FUT9: variants seen among roughly 807,000 people sequenced by gnomAD.
FUT9 encodes the protein 4-galactosyl-N-acetylglucosaminide 3-alpha-L-fucosyltransferase 9.
Under a neutral mutation model 29.7 loss-of-function variants are expected in FUT9, and 15 were observed. The observed-to-expected ratio is 0.51, with a 90% CI of 0.34 to 0.78. The LOEUF (loss-of-function observed/expected upper bound fraction) is 0.78, where lower values mean the gene tolerates loss of function less well. FUT9 is among the 30% of genes least tolerant of loss of function. The probability of loss-of-function intolerance (pLI) is 0.01; values close to 1 mark genes in which losing one functional copy is unlikely to be tolerated. For synonymous variants in FUT9, 169 were observed against 153.7 expected (o/e 1.10, Z -0.74); for missense variants, 319 against 425.4 (o/e 0.75, Z 2.20).
At position 96,142,080 on chromosome 6, in the gene FUT9, G is replaced by A. The variant is rs560983275; in HGVS notation, c.-9+27953G>A. 7.7e-4 allele frequency among the ~76,000 whole-genome samples: 117 copies of A among 152,252 alleles called. 1 individual carries two copies. The highest frequency in any genetic ancestry group is 1.1e-3 in the Non-Finnish European group (74 of 68,014). ...GCTTACACACTGGGATGTTTTGCTCGTGAATATTGCTAAGAAACTGTACAA... is the reference window on the plus strand; with the variant it reads ...GCTTACACACTGGGATGTTTTGCTCATGAATATTGCTAAGAAACTGTACAA... On this transcript the variant is annotated intron_variant, in intron 2 of 2. Coordinates refer to ENST00000302103, the MANE Select transcript of FUT9 (RefSeq NM_006581.4).
chr6:96,123,170 T>A (rs756043524), intron 2 of FUT9, among the ~76,000 whole-genome samples: 12 of 151,648 alleles, frequency 7.9e-5, no homozygotes, highest in Non-Finnish European at 1.3e-4. Context: ...ATAGTGTCAA[T>A]TTGGACCAAT....
intron 2 of FUT9, among the ~76,000 whole-genome samples, chr6:96,121,413 C>T (rs1488256382): frequency 3.3e-5 from 5 of 152,092 alleles, no homozygotes; most frequent in Non-Finnish European, 7.4e-5. Flanking sequence ...CTTATAGCTA[C>T]TCTACAAAGA....
rs1582226216 is a variant in FUT9, at chr6:96,096,077, G to A, written c.-97-17962G>A. On this transcript the variant is annotated intron_variant, in intron 1 of 2. Transcript: ENST00000302103. ...TCATATATCCAACTACCTATACAAT[G>A]TCTCTACTTGGAAGTCTAATATATA... 2.6e-5 allele frequency among the ~76,000 whole-genome samples: 4 copies of A among 152,170 alleles called. No homozygotes were observed. The South Asian group carries it at 8.3e-4, about 32-fold the overall frequency.
Position 96,213,649 on chromosome 6 carries a change from G to A in FUT9, c.*9414G>A, listed in dbSNP as rs927587151. 6.0e-6 allele frequency: 1 copy of A among 166,682 alleles called. No homozygotes were observed. Among genetic ancestry groups the A allele is most frequent in the African/African-American group, 2.4e-5 (1 of 41,394 alleles). The allele number at this position is 166,682 out of a possible 1,614,324, so 10.3% of individuals were successfully genotyped here. A position where few individuals can be genotyped will look rare whatever the true frequency, so the allele number is the denominator to read the frequency against. ...TCTGTGTATGTATTATTGCGATGCA[G>A]ACCCAATAGGGTTATTTTAAGCACA... On this transcript the variant is annotated 3_prime_UTR_variant, in exon 3 of 3. Transcript: ENST00000302103.
At chr6:96,026,390 A>G (rs1311517271) in intron 1 of FUT9, among the ~76,000 whole-genome samples, 1 of 151,692 alleles carries the variant, frequency 6.6e-6, no homozygotes, top group Non-Finnish European at 1.5e-5. Context: ...GCAATATTAG[A>G]GTCTAAATTA....
intron 1 of FUT9, among the ~76,000 whole-genome samples, chr6:96,080,121 G>A (rs1771210251): frequency 6.6e-6 from 1 of 151,762 alleles, no homozygotes; most frequent in South Asian, 2.1e-4. Flanking sequence ...AAATCATGAT[G>A]AATAAAATAT....
At chr6:96,143,939 T>C (rs1772515829) in intron 2 of FUT9, among the ~76,000 whole-genome samples, 1 of 152,188 alleles carries the variant, frequency 6.6e-6, no homozygotes. Context: ...AAATAGGTAA[T>C]GCTGGTTGTG....
In FUT9 at chr6:96,210,292, C is replaced by T. The variant is rs949681928; in HGVS notation, c.*6057C>T. ...ATTTTGTATACCTAATTATTTCACA[C>T]AAGAGCGTGGAACTCACCAGTCTTG... is the stretch of plus-strand genomic sequence containing the variant. On this transcript the variant is annotated 3_prime_UTR_variant, in exon 3 of 3. Transcript: ENST00000302103. The T allele has an allele frequency of 6.0e-6, 1 of 166,930 alleles. No homozygotes were observed. The highest frequency in any genetic ancestry group is 2.4e-5 in the African/African-American group (1 of 41,420). 10.3% of individuals were successfully genotyped at this position (166,930 alleles called of 1,614,324 possible).
chr6:96,196,207 T>C (rs537822465), intron 2 of FUT9, among the ~76,000 whole-genome samples: 75 of 152,272 alleles, frequency 4.9e-4, no homozygotes, highest in African/African-American at 1.8e-3. Context: ...GACAGATTAA[T>C]AGAAGAATAG....
intron 1 of FUT9, among the ~76,000 whole-genome samples, chr6:96,070,363 A>T (rs1188833106): frequency 6.6e-6 from 1 of 152,212 alleles, no homozygotes; most frequent in Admixed American, 6.5e-5. Context: ...ACAAAATGAG[A>T]AAAGTTAACT....
At chr6:96,163,986 A>G (rs1027780394) in intron 2 of FUT9, among the ~76,000 whole-genome samples, 1 of 152,176 alleles carries the variant, frequency 6.6e-6, no homozygotes, top group Non-Finnish European at 1.5e-5. Context: ...GATCCTGACA[A>G]TATATGCCCA....
At chr6:96,183,478 T>C (rs914605142) in intron 2 of FUT9, among the ~76,000 whole-genome samples, 3 of 152,030 alleles carry the variant, frequency 2.0e-5, no homozygotes, top group African/African-American at 7.2e-5. Context: ...TCCAGTACTA[T>C]GTTGAGGAGA....
chr6:96,150,662 C>T (rs1772659028), intron 2 of FUT9, among the ~76,000 whole-genome samples: 1 of 152,150 alleles, frequency 6.6e-6, no homozygotes, highest in Admixed American at 6.5e-5. Context: ...AGAAAAGGCA[C>T]AGTTGCAGTA....
chr6:96,061,352 A>G (rs1770872001), intron 1 of FUT9, among the ~76,000 whole-genome samples: 1 of 136,806 alleles, frequency 7.3e-6, no homozygotes, highest in Non-Finnish European at 1.6e-5. Flanking sequence ...ATCATAACAT[A>G]TATTATTATC....
intron 1 of FUT9, among the ~76,000 whole-genome samples, chr6:96,044,785 T>C (rs940340799): frequency 6.6e-6 from 1 of 152,238 alleles, no homozygotes; most frequent in Admixed American, 6.5e-5. Flanking sequence ...ATATGAATTT[T>C]AAGTAATCTT....
At chr6:96,084,885 T>C (rs1771290700) in intron 1 of FUT9, among the ~76,000 whole-genome samples, 1 of 152,122 alleles carries the variant, frequency 6.6e-6, no homozygotes, top group African/African-American at 2.4e-5. Context: ...AAATATACTA[T>C]GTTTCGTGTG....
At chr6:96,139,404 G>A (rs1319101598) in intron 2 of FUT9, among the ~76,000 whole-genome samples, 1 of 152,192 alleles carries the variant, frequency 6.6e-6, no homozygotes, top group Admixed American at 6.5e-5. Context: ...TTGAGTGCCT[G>A]CAGCTTTTCC....
intron 1 of FUT9, among the ~76,000 whole-genome samples, chr6:96,105,174 C>A (rs528850523): frequency 6.6e-5 from 10 of 152,184 alleles, no homozygotes; most frequent in African/African-American, 2.4e-4. Flanking sequence ...AAATGCATTT[C>A]TTTGTATGCA....
At chr6:96,155,082 C>T (rs1472905777) in intron 2 of FUT9, among the ~76,000 whole-genome samples, 1 of 152,188 alleles carries the variant, frequency 6.6e-6, no homozygotes, top group Non-Finnish European at 1.5e-5. Context: ...CCCCAATCAG[C>T]AGAGCAAAGA....
Sources: gnomAD v4.1 joint callset for allele counts (sites outside exome capture counted in the v4.1 genomes callset) on GRCh38, gnomAD v4.1.1 for gene constraint, MANE v1.5 for transcripts, NCBI Gene and HGNC (gene_info 2026-07-23, HGNC 2026-07-21) for gene names.